The following ANKFN1 variants were observed in gnomAD, a reference collection of about 807,000 sequenced individuals.
ANKFN1 encodes ankyrin repeat and fibronectin type-III domain-containing protein 1.
Under a neutral mutation model 108.7 loss-of-function variants are expected in ANKFN1, and 74 were observed. The ratio of observed to expected loss-of-function variants is 0.68; its 90% CI spans 0.56 to 0.83. The LOEUF is 0.83. Ranked by LOEUF, ANKFN1 falls within the 40% of genes least tolerant of loss-of-function variation. ANKFN1 has a pLI of 0.00. For missense variants in ANKFN1, 1,505 were observed against 1,382.3 expected (o/e 1.09, Z -1.41); for synonymous variants, 547 against 516.2 (o/e 1.06, Z -0.81).
intron 4 of ANKFN1, among the ~76,000 whole-genome samples, chr17:56,336,555 G>A (rs748837196): frequency 2.0e-5 from 3 of 151,934 alleles, no homozygotes; most frequent in East Asian, 1.9e-4. Flanking sequence ...CTGTGGGATC[G>A]GTGGTGATAT....
intron 1 of ANKFN1, 105 bp downstream of exon 1, chr17:56,153,635 C>G (rs186279313): frequency 1.4e-6 from 2 of 1,459,308 alleles, no homozygotes; most frequent in Admixed American, 3.4e-5. Flanking sequence ...TGAATTCGGG[C>G]GTTAGCTGGT....
chr17:56,262,477 G>A (rs932919837), intron 3 of ANKFN1, among the ~76,000 whole-genome samples: 6 of 152,192 alleles, frequency 3.9e-5, no homozygotes, highest in Non-Finnish European at 7.3e-5. Flanking sequence ...AGATGGGGGA[G>A]GAGTGTTGGA....
At chr17:56,220,094 G>A (rs1357998767) in intron 2 of ANKFN1, among the ~76,000 whole-genome samples, 2 of 152,204 alleles carry the variant, frequency 1.3e-5, no homozygotes, top group Admixed American at 6.5e-5. Flanking sequence ...AATTACATGA[G>A]ATGATCTATG....
intron 3 of ANKFN1, among the ~76,000 whole-genome samples, chr17:56,288,674 A>G (rs1255728143): frequency 6.6e-6 from 1 of 152,210 alleles, no homozygotes; most frequent in Non-Finnish European, 1.5e-5. Context: ...CCATGGAAAA[A>G]TGCTAGGAAA....
intron 1 of ANKFN1, among the ~76,000 whole-genome samples, chr17:56,180,243 G>C (rs1438019316): frequency 6.6e-6 from 1 of 152,126 alleles, no homozygotes; most frequent in East Asian, 1.9e-4. Flanking sequence ...CTGTCTCTGA[G>C]CTACAAGTAG....
chr17:56,250,502 G>A (rs976445832), intron 3 of ANKFN1, among the ~76,000 whole-genome samples: 1 of 152,104 alleles, frequency 6.6e-6, no homozygotes, highest in African/African-American at 2.4e-5. Flanking sequence ...ATTAACCCAG[G>A]GAGCTTGATA....
chr17:56,106,834 A>G (rs1259407080), intron 4 of ANKFN1, among the ~76,000 whole-genome samples: 1 of 152,168 alleles, frequency 6.6e-6, no homozygotes, highest in Non-Finnish European at 1.5e-5. Context: ...TGAAATGGTT[A>G]TGTTTCTGTA....
chr17:56,456,817 C>T, intron 11 of ANKFN1, 44 bp from the exon 12 acceptor site: 1 of 1,524,396 alleles, frequency 6.6e-7, no homozygotes, highest in Non-Finnish European at 9.1e-7. Context: ...GGGTGTTGAT[C>T]TGCCCAGTGG....
intron 1 of ANKFN1, among the ~76,000 whole-genome samples, chr17:56,188,115 T>G (rs1253802263): frequency 6.6e-6 from 1 of 152,066 alleles, no homozygotes; most frequent in Admixed American, 6.6e-5. Context: ...ATAAATACAT[T>G]GCATGAGGCT....
intron 1 of ANKFN1, among the ~76,000 whole-genome samples, chr17:56,201,005 C>A (rs943653270): frequency 1.5e-4 from 23 of 152,196 alleles, no homozygotes; most frequent in Admixed American, 1.4e-3. Context: ...GTGGGTAGGA[C>A]TACTGCAATC....
At chr17:56,260,952 G>A (rs1054947570) in intron 3 of ANKFN1, among the ~76,000 whole-genome samples, 21 of 152,212 alleles carry the variant, frequency 1.4e-4, no homozygotes, top group African/African-American at 4.8e-4. Context: ...AAATACAGTA[G>A]ACTGTTCAGC....
At chr17:56,137,610 G>A (rs893957530) in intron 4 of ANKFN1, among the ~76,000 whole-genome samples, 4 of 152,082 alleles carry the variant, frequency 2.6e-5, no homozygotes, top group African/African-American at 9.7e-5. Flanking sequence ...TGTAAATAAT[G>A]AGTCATATAC....
At chr17:56,157,761 G>T (rs1023449100) in intron 1 of ANKFN1, among the ~76,000 whole-genome samples, 3 of 152,140 alleles carry the variant, frequency 2.0e-5, no homozygotes, top group Non-Finnish European at 4.4e-5. Flanking sequence ...TTTAATCTAG[G>T]GCTTGAGGGT....
intron 3 of ANKFN1, among the ~76,000 whole-genome samples, chr17:56,310,616 C>CAAAA (rs111929941): frequency 1.6e-5 from 2 of 127,742 alleles, no homozygotes; most frequent in East Asian, 4.4e-4. Flanking sequence ...GACTCCATCT[C>CAAAA]AAAAAAAAAA....
chr17:56,093,501 C>T (rs1328796731), intron 4 of ANKFN1, among the ~76,000 whole-genome samples: 1 of 150,878 alleles, frequency 6.6e-6, no homozygotes, highest in Non-Finnish European at 1.5e-5. Flanking sequence ...ATACTAAGCG[C>T]AAAAAACGGC....
rs773925251 is a variant in ANKFN1 at position 56,350,935 on chromosome 17, A to G, written c.358A>G (p.Thr120Ala). 37 of 1,613,624 alleles carry G rather than the reference A, an allele frequency of 2.3e-5. No individual in the cohort carries two copies. Among genetic ancestry groups the G allele is most frequent in the Non-Finnish European group, 3.1e-5 (37 of 1,179,802 alleles). Reference sequence around the variant, plus strand: ...CGATGAGGCCTATTTTAGGACAAGAACTGATCGGCTGAGTCTCAGGAAGAC... The same window carrying G: ...CGATGAGGCCTATTTTAGGACAAGAGCTGATCGGCTGAGTCTCAGGAAGAC... Reference protein sequence around the residue: ...SFDEAYFRTRTDRLSLRKTSV... With the variant: ...SFDEAYFRTRADRLSLRKTSV... Residue 120 changes from threonine (T) to alanine (A), a missense_variant, in exon 5 of 21, where the codon ACT (threonine) becomes GCT (alanine). By Grantham distance (58) the Thr-to-Ala change is moderately conservative. Coordinates refer to ENST00000682825, the MANE Select transcript of ANKFN1 (RefSeq NM_001370326.1).
chr17:56,071,780 A>G (rs1418043908), intron 4 of ANKFN1, among the ~76,000 whole-genome samples: 2 of 152,248 alleles, frequency 1.3e-5, no homozygotes, highest in Admixed American at 6.5e-5. Context: ...AGACAAGGAC[A>G]TATCCCAGTG....
At chr17:56,248,087 A>G (rs1375543703) in intron 3 of ANKFN1, among the ~76,000 whole-genome samples, 1 of 152,204 alleles carries the variant, frequency 6.6e-6, no homozygotes, top group Non-Finnish European at 1.5e-5. Context: ...TAAAAGAAGT[A>G]ACATTGCTGG....
chr17:56,257,149 C>T (rs1403233487), intron 3 of ANKFN1, among the ~76,000 whole-genome samples: 2 of 152,082 alleles, frequency 1.3e-5, no homozygotes, highest in South Asian at 2.1e-4. Flanking sequence ...GGTTTGGTGC[C>T]TGGTATAGTA....
Sources: allele counts gnomAD v4.1 joint callset (sites outside exome capture counted in the v4.1 genomes callset), GRCh38; gene constraint gnomAD v4.1.1; transcripts MANE v1.5; gene names NCBI Gene and HGNC (gene_info 2026-07-23, HGNC 2026-07-21).